Variants in MARS1 observed in about 807,000 individuals in gnomAD.
The protein encoded by MARS1 is methionyl-tRNA synthetase 1.
A neutral mutation model predicts 119.5 loss-of-function variants in MARS1; 80 were observed. That is an observed-to-expected ratio of 0.67 (90% CI 0.56 to 0.81). MARS1 has a LOEUF of 0.81. Among genes scored for constraint, MARS1 ranks in the 30% least tolerant of loss-of-function variants. MARS1 has a pLI of 0.00. For synonymous variants in MARS1, 418 were observed against 433.4 expected (o/e 0.96, Z 0.44); for missense variants, 945 against 1,116.5 (o/e 0.85, Z 2.19).
chr12:57,490,065 C>A, intron 5 of MARS1, 94 bp downstream of exon 5: 2 of 1,445,948 alleles, frequency 1.4e-6, no homozygotes, highest in Non-Finnish European at 1.9e-6. Context: ...CAAGGTACAG[C>A]TTGACTGGGC....
At chr12:57,493,922 TA>T (rs1565641594) in intron 7 of MARS1, among the ~76,000 whole-genome samples, 4 of 76,392 alleles carry the variant, frequency 5.2e-5, no homozygotes, top group Admixed American at 2.2e-4. Context: ...ATAATATATA[TA>T]ATATATATTA....
Position 57,501,547 on chromosome 12 carries a change from C to T in MARS1, c.1293+1025C>T, listed in dbSNP as rs181756599. Among the ~76,000 whole-genome samples, 576 of 152,032 alleles carry T rather than the reference C, an allele frequency of 3.8e-3. 5 individuals are homozygous for T. The highest frequency in any genetic ancestry group is 2.8e-3 in the Non-Finnish European group (190 of 67,992). On this transcript the variant is annotated intron_variant, in intron 10 of 20. Transcript: ENST00000262027. ...CTGAAAATACAGAAATGGCTAGGTG[C>T]GGTGGCTCACGCCTGTAATCCCAGC...
intron 7 of MARS1, among the ~76,000 whole-genome samples, chr12:57,491,525 T>C (rs1413572466): frequency 6.6e-6 from 1 of 152,166 alleles, no homozygotes; most frequent in Admixed American, 6.5e-5. Context: ...CCACCCCTTC[T>C]CCTCTCTGTT....
At chr12:57,488,530 G>A (rs950217806) in intron 1 of MARS1, 1 of 1,524,934 alleles carries the variant, frequency 6.6e-7, no homozygotes, top group Non-Finnish European at 8.9e-7. Context: ...TTACTAGCAT[G>A]ACAGCCCCCA....
chr12:57,493,795 ATTATATTATATAATG>A (rs1876357578), intron 7 of MARS1, among the ~76,000 whole-genome samples: 1 of 824 alleles, frequency 1.2e-3, no homozygotes, highest in Non-Finnish European at 3.6e-3. Flanking sequence ...TATATTATAT[ATTATATTATATAATG>A]TATATTATAT....
At chr12:57,512,500 A>G (rs1877569752) in intron 14 of MARS1, 147 bp downstream of exon 14, 2 of 694,728 alleles carry the variant, frequency 2.9e-6, no homozygotes. Flanking sequence ...CAACCTAGAG[A>G]AACGAACAAG....
chr12:57,506,646 T>C (rs974659467), intron 11 of MARS1, among the ~76,000 whole-genome samples: 1 of 152,136 alleles, frequency 6.6e-6, no homozygotes, highest in Non-Finnish European at 1.5e-5. Context: ...ATTTTCCCCA[T>C]TGCAACTTAT....
At chr12:57,491,079 G>C (rs929033874) in intron 7 of MARS1, among the ~76,000 whole-genome samples, 1 of 151,858 alleles carries the variant, frequency 6.6e-6, no homozygotes, top group Non-Finnish European at 1.5e-5. Context: ...ATGTTGCCCA[G>C]ACAGGCTGGT....
At chr12:57,490,875 CTTTTTTTTTT>C (rs34238800) in intron 7 of MARS1, among the ~76,000 whole-genome samples, 2 of 101,048 alleles carry the variant, frequency 2.0e-5, no homozygotes, top group Non-Finnish European at 3.9e-5. Context: ...CTTGTCTATC[CTTTTTTTTTT>C]TTTTTTTTGA....
chr12:57,509,515 T>C (rs1307729437), intron 11 of MARS1, among the ~76,000 whole-genome samples: 1 of 152,216 alleles, frequency 6.6e-6, no homozygotes, highest in Non-Finnish European at 1.5e-5. Flanking sequence ...CAAGCGATTC[T>C]CCTGCCTCAG....
At chr12:57,493,429 T>C (rs1341958354) in intron 7 of MARS1, among the ~76,000 whole-genome samples, 1 of 4,098 alleles carries the variant, frequency 2.4e-4, no homozygotes, top group African/African-American at 2.8e-4. Context: ...ATATGATATG[T>C]ATAATATATT....
Position 57,489,430 on chromosome 12 carries a change from T to A in MARS1, c.286T>A (p.Leu96Met), listed in dbSNP as rs535981483. ...EWEATELQPA[L>M]SAALYYLVVQ... The stretch of plus-strand genomic sequence containing the variant: ...CATGTCCCCTGCATTTTAGCCAGCT[T>A]TGTCTGCTGCCCTGTACTATTTAGT... The change falls in exon 4 of 21, where the codon TTG becomes ATG. Residue 96 changes from leucine (L) to methionine (M), a missense_variant. By Grantham distance (15) the Leu-to-Met change is conservative. Transcript: ENST00000262027. 5.0e-6 allele frequency: 8 copies of A among 1,614,114 alleles called. No homozygotes were observed. In the South Asian group the frequency reaches 7.7e-5, roughly 16 times the overall value.
In MARS1 at chr12:57,498,604, A is replaced by G. The variant is rs1441593258; in HGVS notation, c.1072A>G (p.Thr358Ala). The stretch of plus-strand genomic sequence containing the variant: ...TTCGTTTGATATTTTTGGTCGCACC[A>G]CCACTCCACAGCAGACCAAGTAAGT... ...NISFDIFGRT[T>A]TPQQTKITQD... is the part of the protein sequence containing the mutation. The change falls in exon 9 of 21, where the codon ACC (threonine) becomes GCC (alanine). Residue 358 changes from threonine to alanine, a missense_variant. By Grantham distance (58) the Thr-to-Ala change is moderately conservative (BLOSUM62 0). Coordinates refer to ENST00000262027, the MANE Select transcript of MARS1 (RefSeq NM_004990.4). 1 of 1,614,136 alleles carries G rather than the reference A, an allele frequency of 6.2e-7. No homozygotes were observed. The highest frequency in any genetic ancestry group is 2.2e-5 in the East Asian group (1 of 44,884).
intron 11 of MARS1, among the ~76,000 whole-genome samples, chr12:57,509,080 T>G (rs1415980265): frequency 6.6e-6 from 1 of 152,240 alleles, no homozygotes; most frequent in African/African-American, 2.4e-5. Flanking sequence ...GATTCCTATT[T>G]TTTTCAATTT....
At chr12:57,494,350 T>G (rs922243442) in intron 7 of MARS1, among the ~76,000 whole-genome samples, 1 of 138,346 alleles carries the variant, frequency 7.2e-6, no homozygotes, top group Non-Finnish European at 1.6e-5. Flanking sequence ...TTTTTTGAGA[T>G]GGAGTCTCAC....
At chr12:57,493,758 T>TATATATA (rs1876331328) in intron 7 of MARS1, among the ~76,000 whole-genome samples, 4 of 3,492 alleles carry the variant, frequency 1.1e-3, no homozygotes, top group Non-Finnish European at 1.6e-3. Flanking sequence ...TACATTATAT[T>TATATATA]ATATATATTA....
chr12:57,510,478 A>C (rs1343405497), intron 11 of MARS1, among the ~76,000 whole-genome samples: 2 of 151,734 alleles, frequency 1.3e-5, no homozygotes, highest in Non-Finnish European at 2.9e-5. Context: ...AGCTCAAAAA[A>C]ATTTTTTTTT....
intron 15 of MARS1, 82 bp from the exon 16 acceptor site, chr12:57,514,638 A>C: frequency 6.4e-7 from 1 of 1,565,508 alleles, no homozygotes; most frequent in Non-Finnish European, 8.8e-7. Context: ...ACAGCTGTGG[A>C]AATTGGGTGA....
At chr12:57,492,138 G>A (rs1213256600) in intron 7 of MARS1, among the ~76,000 whole-genome samples, 3 of 150,408 alleles carry the variant, frequency 2.0e-5, no homozygotes, top group African/African-American at 5.0e-5. Flanking sequence ...AATTAGCCGG[G>A]CATTGTGGCG....
Sources: allele counts gnomAD v4.1 joint callset (sites outside exome capture counted in the v4.1 genomes callset), GRCh38; gene constraint gnomAD v4.1.1; transcripts MANE v1.5; gene names NCBI Gene and HGNC (gene_info 2026-07-23, HGNC 2026-07-21).